The following JMJD1C variants were observed in gnomAD, a reference collection of about 807,000 sequenced individuals.
JMJD1C encodes the protein jumonji domain containing 1C.
Under a neutral mutation model 245.3 loss-of-function variants are expected in JMJD1C, and 31 were observed. That is an observed-to-expected ratio of 0.13 (90% CI 0.09 to 0.17). The LOEUF is 0.17. Among genes scored for constraint, JMJD1C ranks in the 10% least tolerant of loss-of-function variants. JMJD1C has a pLI of 1.00. For synonymous variants in JMJD1C, 1,057 were observed against 1,017.4 expected, an observed-to-expected ratio of 1.04 and a Z score of -0.74; for missense variants, 2,691 against 3,000.2, an observed-to-expected ratio of 0.90 and a Z score of 2.41.
chr10:63,474,059 A>T (rs887983270), intron 1 of JMJD1C, among the ~76,000 whole-genome samples: 1 of 151,904 alleles, frequency 6.6e-6, no homozygotes. Context: ...AAAGAAAAGA[A>T]AAAAAGAAAT....
At chr10:63,392,628 C>T (rs1387542201) in intron 1 of JMJD1C, among the ~76,000 whole-genome samples, 1 of 151,676 alleles carries the variant, frequency 6.6e-6, no homozygotes, top group Non-Finnish European at 1.5e-5. Context: ...AAATCAAGAC[C>T]ATTCTGGCCA....
At chr10:63,218,229 A>G (rs1448406941) in intron 4 of JMJD1C, among the ~76,000 whole-genome samples, 1 of 152,102 alleles carries the variant, frequency 6.6e-6, no homozygotes, top group Admixed American at 6.5e-5. Context: ...TTTTAAGTCA[A>G]AGATCTGGGA....
At chr10:63,230,041 GC>G (rs755650912) in intron 3 of JMJD1C, among the ~76,000 whole-genome samples, 14 of 152,162 alleles carry the variant, frequency 9.2e-5, no homozygotes, top group Non-Finnish European at 1.6e-4. Context: ...ATGTCCACGG[GC>G]AAATCATTAA....
At chr10:63,233,574 T>G (rs958749007) in intron 3 of JMJD1C, among the ~76,000 whole-genome samples, 1 of 151,958 alleles carries the variant, frequency 6.6e-6, no homozygotes, top group Admixed American at 6.6e-5. Context: ...AATTAAAATA[T>G]CCCCCAAATG....
intron 1 of JMJD1C, among the ~76,000 whole-genome samples, chr10:63,501,000 T>C (rs1954540808): frequency 7.3e-6 from 1 of 137,330 alleles, no homozygotes; most frequent in Non-Finnish European, 1.5e-5. Flanking sequence ...ACTACATTCA[T>C]ATAAGATAGA....
intron 3 of JMJD1C, among the ~76,000 whole-genome samples, chr10:63,245,206 A>G (rs1383496515): frequency 6.6e-6 from 1 of 151,678 alleles, no homozygotes; most frequent in African/African-American, 2.4e-5. Context: ...AGATTGAAAT[A>G]ACAATTTTTT....
intron 2 of JMJD1C, among the ~76,000 whole-genome samples, chr10:63,352,637 C>CAAAA (rs145589142): frequency 1.0e-5 from 1 of 96,708 alleles, no homozygotes; most frequent in Non-Finnish European, 2.1e-5. Context: ...GACTCTGTCT[C>CAAAA]AAAAAAAAAA....
intron 2 of JMJD1C, among the ~76,000 whole-genome samples, chr10:63,341,198 T>C (rs940593119): frequency 1.1e-4 from 17 of 152,332 alleles, no homozygotes; most frequent in African/African-American, 4.1e-4. Flanking sequence ...CACAAATTTA[T>C]GAAAAGGCAC....
intron 1 of JMJD1C, among the ~76,000 whole-genome samples, chr10:63,520,862 G>A (rs1955194793): frequency 6.6e-6 from 1 of 152,152 alleles, no homozygotes; most frequent in Non-Finnish European, 1.5e-5. Context: ...CACACACGGA[G>A]GCCTGTGCAA....
chr10:63,466,619 C>T (rs570216052), upstream of JMJD1C: 3 of 152,314 alleles, frequency 2.0e-5, no homozygotes, highest in African/African-American at 7.2e-5. Context: ...CCCTTGTCAA[C>T]GTCCTGAAAT....
At chr10:63,383,592 C>T (rs1009760324) in intron 1 of JMJD1C, among the ~76,000 whole-genome samples, 8 of 151,858 alleles carry the variant, frequency 5.3e-5, no homozygotes, top group South Asian at 2.1e-4. Flanking sequence ...CCCAGAGACT[C>T]GGGAGGCTAA....
intron 3 of JMJD1C, chr10:63,223,145 C>A (rs374092761): frequency 1.4e-4 from 74 of 516,638 alleles, no homozygotes; most frequent in African/African-American, 1.0e-3. Context: ...AAAAAAAAAA[C>A]CCAAACAAAC....
intron 2 of JMJD1C, among the ~76,000 whole-genome samples, chr10:63,342,611 G>T (rs1943474761): frequency 6.6e-6 from 1 of 152,210 alleles, no homozygotes; most frequent in Non-Finnish European, 1.5e-5. Context: ...GTTAATATCT[G>T]ATACAGGTAT....
At position 63,195,496 on chromosome 10, in the gene JMJD1C, T is replaced by C. The variant is rs552460949; in HGVS notation, c.5645-1121A>G. ...CACGGTAACTTGCAAATATTTCATA[T>C]ATTGCTTATATTTTAGACACTTATG... On this transcript the variant is annotated intron_variant, in intron 13 of 25. Coordinates refer to ENST00000399262, the MANE Select transcript of JMJD1C (RefSeq NM_032776.3). 2.0e-4 allele frequency among the ~76,000 whole-genome samples: 30 copies of C among 152,312 alleles called. No individual in the cohort carries two copies. The South Asian group carries it at 5.8e-3, about 29-fold the overall frequency.
intron 1 of JMJD1C, among the ~76,000 whole-genome samples, chr10:63,509,365 T>C (rs968236004): frequency 2.0e-5 from 3 of 152,248 alleles, no homozygotes; most frequent in Non-Finnish European, 4.4e-5. Context: ...TTGTAAGAGA[T>C]GTTAGTATGT....
intron 3 of JMJD1C, among the ~76,000 whole-genome samples, chr10:63,257,952 G>C (rs1854186402): frequency 1.3e-5 from 2 of 152,188 alleles, no homozygotes; most frequent in Admixed American, 6.5e-5. Flanking sequence ...AAGAGTTCTA[G>C]GGAAGACTAG....
intron 1 of JMJD1C, among the ~76,000 whole-genome samples, chr10:63,452,241 G>A (rs555798717): frequency 6.6e-6 from 1 of 152,034 alleles, no homozygotes; most frequent in African/African-American, 2.4e-5. Context: ...CTATAACAAA[G>A]CAAAACAAAA....
chr10:63,246,284 T>G lies in JMJD1C; in HGVS notation c.447+18367A>C, dbSNP rs1002840222. On this transcript the variant is annotated intron_variant, in intron 3 of 25. Transcript: ENST00000399262. ...CAAGGCATATATAATAATCAGACTC[T>G]CAAAAGGTCAAAAACGAAGAGAGGA... is the stretch of plus-strand genomic sequence containing the variant. Among the ~76,000 whole-genome samples, 3 of 151,690 alleles carry G rather than the reference T, an allele frequency of 2.0e-5. No homozygotes were observed. In the East Asian group the frequency reaches 5.8e-4, roughly 29 times the overall value.
chr10:63,465,370 C>T (rs1047042962), intron 1 of JMJD1C, 125 bp downstream of exon 1: 2 of 1,009,550 alleles, frequency 2.0e-6, no homozygotes, highest in Non-Finnish European at 2.8e-6. Context: ...GCCAAGGGTT[C>T]AGCAGAGGGG....
Sources: gnomAD v4.1 joint callset for allele counts (sites outside exome capture counted in the v4.1 genomes callset) on GRCh38, gnomAD v4.1.1 for gene constraint, MANE v1.5 for transcripts, NCBI Gene and HGNC (gene_info 2026-07-23, HGNC 2026-07-21) for gene names.